The following GLRA1 variants were observed in gnomAD, a reference collection of about 807,000 sequenced individuals.
The protein encoded by GLRA1 is glycine receptor alpha 1, also known as glycine receptor subunit alpha-1.
A neutral mutation model predicts 48.3 loss-of-function variants in GLRA1; 37 were observed. That is an observed-to-expected ratio of 0.77 (90% confidence interval 0.59 to 1.01). The LOEUF is 1.01. GLRA1 is among the 50% of genes least tolerant of loss of function. The probability of loss-of-function intolerance (pLI) is 0.00; values close to 1 mark genes in which losing one functional copy is unlikely to be tolerated. For synonymous variants in GLRA1, 196 were observed against 210.7 expected (o/e 0.93, Z 0.60); for missense variants, 427 against 571.0 (o/e 0.75, Z 2.57).
chr5:151,838,658 C>T (rs1353442909), intron 7 of GLRA1, among the ~76,000 whole-genome samples: 1 of 152,002 alleles, frequency 6.6e-6, no homozygotes, highest in East Asian at 1.9e-4. Flanking sequence ...AAATAAACAG[C>T]CCCAGAAACC....
chr5:151,879,849 C>T (rs1753719089), intron 3 of GLRA1, among the ~76,000 whole-genome samples: 1 of 152,182 alleles, frequency 6.6e-6, no homozygotes, highest in Non-Finnish European at 1.5e-5. Context: ...TATGATTTGG[C>T]TGTGTCCCCA....
intron 3 of GLRA1, among the ~76,000 whole-genome samples, chr5:151,880,652 A>C (rs2113395415): frequency 6.6e-6 from 1 of 152,342 alleles, no homozygotes; most frequent in African/African-American, 2.4e-5. Context: ...AGTTCTACAC[A>C]AATTCCAGCA....
At chr5:151,908,106 G>C (rs1465295490) in intron 1 of GLRA1, among the ~76,000 whole-genome samples, 1 of 152,206 alleles carries the variant, frequency 6.6e-6, no homozygotes, top group Non-Finnish European at 1.5e-5. Flanking sequence ...CCTGGGCTTT[G>C]AGAACAAGGC....
In GLRA1 at chr5:151,855,143, C is replaced by A; in HGVS notation, c.594G>T (p.Trp198Cys). ...GYTMNDLIFEWQEQGAVQVAD... is the reference protein window; with the variant it reads ...GYTMNDLIFECQEQGAVQVAD... ...CTACCTGCACGGCTCCCTGTTCCTG[C>A]CACTCAAAGATGAGGTCATTCATCG... Residue 198 changes from tryptophan to cysteine, a missense_variant, in exon 6 of 9, where the codon TGG (tryptophan) becomes TGT (cysteine). Transcript: ENST00000274576. 6.2e-7 allele frequency: 1 copy of A among 1,613,926 alleles called. No individual in the cohort carries two copies. The highest frequency in any genetic ancestry group is 2.2e-5 in the East Asian group (1 of 44,870).
chr5:151,921,936 C>T (rs1201263807), intron 1 of GLRA1, among the ~76,000 whole-genome samples: 1 of 152,154 alleles, frequency 6.6e-6, no homozygotes, highest in Non-Finnish European at 1.5e-5. Context: ...CCCATGTTTC[C>T]CTTTCTAAGA....
At chr5:151,908,401 C>A (rs1281950571) in intron 1 of GLRA1, among the ~76,000 whole-genome samples, 2 of 152,172 alleles carry the variant, frequency 1.3e-5, no homozygotes, top group Admixed American at 1.3e-4. Context: ...CTCCTACATT[C>A]TTTTTCCCTT....
chr5:151,880,528 A>C (rs956186647), intron 3 of GLRA1, among the ~76,000 whole-genome samples: 10 of 152,246 alleles, frequency 6.6e-5, no homozygotes, highest in African/African-American at 2.4e-4. Context: ...TTGGCAAGAG[A>C]GGCTGGAACA....
intron 7 of GLRA1, chr5:151,850,068 G>A: frequency 6.2e-7 from 1 of 1,603,858 alleles, no homozygotes; most frequent in Non-Finnish European, 8.5e-7. Context: ...ACCCTGGTTT[G>A]GCATGGAGCA....
At chr5:151,856,535 G>C in intron 4 of GLRA1, 152 bp from the exon 5 acceptor site, 1 of 619,330 alleles carries the variant, frequency 1.6e-6, no homozygotes, top group Non-Finnish European at 3.1e-6. Flanking sequence ...ATTTATTTTT[G>C]AGAGATGAGA....
chr5:151,890,432 G>A (rs142655589), intron 2 of GLRA1, among the ~76,000 whole-genome samples: 5 of 152,348 alleles, frequency 3.3e-5, no homozygotes, highest in Admixed American at 2.0e-4. Context: ...ACCAAGGGGC[G>A]TGGTGGACTG....
intron 7 of GLRA1, among the ~76,000 whole-genome samples, chr5:151,833,818 A>AAAAAAAG (rs1483567419): frequency 2.1e-5 from 3 of 145,822 alleles, no homozygotes; most frequent in African/African-American, 7.6e-5. Context: ...AAAAAAAAGC[A>AAAAAAAG]GGGGTTGCAA....
At position 151,855,406 on chromosome 5, in the gene GLRA1, ATTG is replaced by A. The variant is rs1753014393; in HGVS notation, c.560-232_560-230del. 2.0e-5 allele frequency among the ~76,000 whole-genome samples: 3 copies of A among 152,002 alleles called. No homozygotes were observed. In the South Asian group the frequency reaches 6.2e-4, roughly 32 times the overall value. ...CCAACCTTCTGCATTAGTTTGTCCT[ATTG>A]TTCCCCCTCTCACTCCCATGGTGAA... On this transcript the variant is annotated intron_variant, in intron 5 of 8. Transcript: ENST00000274576.
intron 2 of GLRA1, among the ~76,000 whole-genome samples, chr5:151,887,757 A>G (rs947470028): frequency 2.5e-4 from 38 of 152,318 alleles, no homozygotes; most frequent in African/African-American, 9.1e-4. Flanking sequence ...AATTTTCAGC[A>G]CTGGGTTTCC....
chr5:151,827,320 T>C (rs887118528), intron 8 of GLRA1, among the ~76,000 whole-genome samples: 9 of 152,300 alleles, frequency 5.9e-5, no homozygotes, highest in African/African-American at 2.2e-4. Flanking sequence ...GATGGTGATA[T>C]CTTAATTCCC....
At chr5:151,843,455 G>T (rs1296348896) in intron 7 of GLRA1, among the ~76,000 whole-genome samples, 1 of 151,846 alleles carries the variant, frequency 6.6e-6, no homozygotes, top group African/African-American at 2.4e-5. Context: ...TAGAGACGAG[G>T]TTTCACCATG....
intron 3 of GLRA1, among the ~76,000 whole-genome samples, chr5:151,880,926 C>T (rs1057171058): frequency 6.6e-6 from 1 of 152,210 alleles, no homozygotes; most frequent in Non-Finnish European, 1.5e-5. Flanking sequence ...TTTCACATCT[C>T]CTACATGTAT....
intron 3 of GLRA1, among the ~76,000 whole-genome samples, chr5:151,883,439 TA>T (rs773447028): frequency 2.7e-4 from 7 of 25,714 alleles, no homozygotes; most frequent in African/African-American, 5.4e-4. Flanking sequence ...CATTTATCTA[TA>T]GGTTATGAGA....
intron 3 of GLRA1, among the ~76,000 whole-genome samples, chr5:151,864,976 A>G (rs957947800): frequency 5.3e-5 from 8 of 152,186 alleles, no homozygotes; most frequent in Non-Finnish European, 1.0e-4. Flanking sequence ...AAGATCACAC[A>G]ACAATTCAGT....
At chr5:151,834,334 C>T (rs1190766250) in intron 7 of GLRA1, among the ~76,000 whole-genome samples, 1 of 152,168 alleles carries the variant, frequency 6.6e-6, no homozygotes, top group Middle Eastern at 3.2e-3. Context: ...CTCAAAACCA[C>T]AAAACTCCAC....
Sources: allele counts gnomAD v4.1 joint callset (sites outside exome capture counted in the v4.1 genomes callset), GRCh38; gene constraint gnomAD v4.1.1; transcripts MANE v1.5; gene names NCBI Gene and HGNC (gene_info 2026-07-23, HGNC 2026-07-21).